ELAVL4: variants seen among roughly 807,000 people sequenced by gnomAD.
The protein encoded by ELAVL4 is ELAV like RNA binding protein 4.
Under a neutral mutation model 35.6 loss-of-function variants are expected in ELAVL4, and 1 was observed. The observed-to-expected ratio is 0.03, with a 90% confidence interval of 0.01 to 0.13. The LOEUF (loss-of-function observed/expected upper bound fraction) is 0.13, where lower values mean the gene tolerates loss of function less well. ELAVL4 is among the 10% of genes least tolerant of loss of function. The probability of loss-of-function intolerance (pLI) is 1.00; values close to 1 mark genes in which losing one functional copy is unlikely to be tolerated. For missense variants in ELAVL4, 267 were observed against 464.9 expected (o/e 0.57, Z 3.91); for synonymous variants, 156 against 171.0 (o/e 0.91, Z 0.69).
chr1:50,134,569 A>T (rs1051978500), intron 1 of ELAVL4, among the ~76,000 whole-genome samples: 9 of 152,174 alleles, frequency 5.9e-5, no homozygotes, highest in Admixed American at 4.6e-4. Context: ...ATTAGAGCTG[A>T]TACTTTTGCA....
At chr1:50,063,084 T>G (rs1441121514) in intron 1 of ELAVL4, among the ~76,000 whole-genome samples, 2 of 152,176 alleles carry the variant, frequency 1.3e-5, no homozygotes, top group Non-Finnish European at 2.9e-5. Flanking sequence ...CCCCTCCAGT[T>G]GGATCCTAGG....
intron 2 of ELAVL4, among the ~76,000 whole-genome samples, chr1:50,174,016 A>T (rs1380749711): frequency 6.6e-6 from 1 of 152,216 alleles, no homozygotes; most frequent in Non-Finnish European, 1.5e-5. Context: ...TTCTAGGTAC[A>T]CTTAGCATAC....
chr1:50,125,601 A>C (rs1669772915), intron 1 of ELAVL4, among the ~76,000 whole-genome samples: 1 of 152,010 alleles, frequency 6.6e-6, no homozygotes, highest in African/African-American at 2.4e-5. Context: ...TAAAGAGGCC[A>C]GGGGTCCCAG....
At chr1:50,170,530 A>C (rs1281643866) in intron 2 of ELAVL4, among the ~76,000 whole-genome samples, 1 of 152,128 alleles carries the variant, frequency 6.6e-6, no homozygotes, top group Non-Finnish European at 1.5e-5. Context: ...CGTCTGACCA[A>C]CTCCAATTCC....
chr1:50,126,067 T>G (rs1186037456), intron 1 of ELAVL4, among the ~76,000 whole-genome samples: 4 of 152,054 alleles, frequency 2.6e-5, no homozygotes, highest in African/African-American at 9.7e-5. Flanking sequence ...ATTTTTAAAA[T>G]AAGCTCAGTC....
intron 1 of ELAVL4, among the ~76,000 whole-genome samples, chr1:50,120,445 T>G (rs1326969685): frequency 6.6e-6 from 1 of 152,012 alleles, no homozygotes; most frequent in East Asian, 1.9e-4. Context: ...AAGATAAAGC[T>G]AGAAAGAGAT....
intron 1 of ELAVL4, among the ~76,000 whole-genome samples, chr1:50,072,254 C>T (rs1417696303): frequency 6.6e-6 from 1 of 152,170 alleles, no homozygotes; most frequent in Non-Finnish European, 1.5e-5. Context: ...AATCTTACCC[C>T]AAGCAAGCTT....
At chr1:50,186,589 T>G (rs1210739896) in intron 3 of ELAVL4, among the ~76,000 whole-genome samples, 3 of 152,212 alleles carry the variant, frequency 2.0e-5, no homozygotes, top group Non-Finnish European at 4.4e-5. Flanking sequence ...GGCAGGAGTT[T>G]ATTCTGCCAT....
At chr1:50,143,134 T>C (rs1355559770) in intron 1 of ELAVL4, among the ~76,000 whole-genome samples, 1 of 152,174 alleles carries the variant, frequency 6.6e-6, no homozygotes, top group African/African-American at 2.4e-5. Flanking sequence ...GAAAGGCATT[T>C]GGGGTGCCAG....
At chr1:50,189,362 G>C (rs906767969) in intron 3 of ELAVL4, among the ~76,000 whole-genome samples, 3 of 152,236 alleles carry the variant, frequency 2.0e-5, no homozygotes, top group African/African-American at 7.2e-5. Flanking sequence ...CCCTCGTCCT[G>C]ATGCCCCATC....
intron 1 of ELAVL4, among the ~76,000 whole-genome samples, chr1:50,124,916 C>A (rs1317785963): frequency 6.6e-6 from 1 of 152,102 alleles, no homozygotes; most frequent in East Asian, 1.9e-4. Flanking sequence ...TGATCATCAT[C>A]ATTATTGTTA....
intron 3 of ELAVL4, among the ~76,000 whole-genome samples, chr1:50,190,553 C>T (rs1682514122): frequency 6.6e-6 from 1 of 152,180 alleles, no homozygotes; most frequent in Non-Finnish European, 1.5e-5. Flanking sequence ...AGGAATTAGA[C>T]TTGGTAGAGA....
intron 3 of ELAVL4, among the ~76,000 whole-genome samples, chr1:50,188,675 G>A (rs1424074598): frequency 6.6e-6 from 1 of 152,182 alleles, no homozygotes; most frequent in African/African-American, 2.4e-5. Flanking sequence ...GCCCCCATAA[G>A]ACTGAGAGCC....
intron 1 of ELAVL4, among the ~76,000 whole-genome samples, chr1:50,138,672 G>T (rs1253651908): frequency 6.6e-6 from 1 of 151,968 alleles, no homozygotes; most frequent in African/African-American, 2.4e-5. Flanking sequence ...CTCCATGTTG[G>T]CCAGGTTGGT....
chr1:50,100,004 T>C (rs912705269), upstream of ELAVL4, among the ~76,000 whole-genome samples: 1 of 152,234 alleles, frequency 6.6e-6, no homozygotes, highest in Non-Finnish European at 1.5e-5. Flanking sequence ...AAATAAGACT[T>C]AAATATCTTT....
intron 2 of ELAVL4, among the ~76,000 whole-genome samples, chr1:50,161,226 T>C (rs576292466): frequency 1.5e-4 from 23 of 152,326 alleles, no homozygotes; most frequent in African/African-American, 5.1e-4. Flanking sequence ...TCTGGCTAGC[T>C]GGGAGTTTGC....
intron 1 of ELAVL4, among the ~76,000 whole-genome samples, chr1:50,056,824 C>T (rs1031410386): frequency 6.6e-6 from 1 of 151,660 alleles, no homozygotes; most frequent in Non-Finnish European, 1.5e-5. Context: ...CCCAGCTACT[C>T]AGGAGGCTGA....
chr1:50,120,706 T>C (rs1397785954), intron 1 of ELAVL4, among the ~76,000 whole-genome samples: 1 of 152,074 alleles, frequency 6.6e-6, no homozygotes, highest in Non-Finnish European at 1.5e-5. Context: ...ATGATGATGA[T>C]GCTCATTGGT....
intron 1 of ELAVL4, among the ~76,000 whole-genome samples, chr1:50,127,512 A>G (rs1670148748): frequency 6.6e-6 from 1 of 152,140 alleles, no homozygotes; most frequent in Non-Finnish European, 1.5e-5. Context: ...CATACTGCCA[A>G]AGGCATTCAG....
Sources: gnomAD v4.1 joint callset for allele counts (sites outside exome capture counted in the v4.1 genomes callset) on GRCh38, gnomAD v4.1.1 for gene constraint, MANE v1.5 for transcripts, NCBI Gene and HGNC (gene_info 2026-07-23, HGNC 2026-07-21) for gene names.